Variants in BIN1 observed in about 807,000 individuals in gnomAD.
The protein encoded by BIN1 is bridging integrator 1, also known as myc box-dependent-interacting protein 1.
A neutral mutation model predicts 82.0 loss-of-function variants in BIN1; 53 were observed. The observed-to-expected ratio is 0.65, with a 90% confidence interval of 0.52 to 0.81. BIN1 has a LOEUF of 0.81. BIN1 is among the 40% of genes least tolerant of loss of function. BIN1 has a pLI of 0.00. For synonymous variants in BIN1, 302 were observed against 328.0 expected (o/e 0.92, Z 0.86); for missense variants, 642 against 784.4 (o/e 0.82, Z 2.17).
chr2:127,059,097 C>A lies in BIN1; in HGVS notation c.916G>T (p.Ala306Ser). 2 of 1,593,070 alleles carry A rather than the reference C, an allele frequency of 1.3e-6. No homozygotes were observed. Among genetic ancestry groups the A allele is most frequent in the Non-Finnish European group, 1.7e-6 (2 of 1,171,074 alleles). Residue 306 changes from alanine to serine, a missense_variant, in exon 11 of 19, where the codon GCC becomes TCC. Coordinates refer to ENST00000316724, the MANE Select transcript of BIN1 (RefSeq NM_139343.3). This position sits in a 1 kb window ranked among gnomAD's most constrained non-coding sequence, Gnocchi z 6.7. ...TGGTTGACTCTGATCTCGGGGGTGGCGGCAGGGGAGCCATCTGGAGGCGAA... is the reference window on the plus strand; with the variant it reads ...TGGTTGACTCTGATCTCGGGGGTGGAGGCAGGGGAGCCATCTGGAGGCGAA... ...SPSPPDGSPA[A>S]TPEIRVNHEP...
intron 1 of BIN1, among the ~76,000 whole-genome samples, chr2:127,087,027 T>C (rs1337211354): frequency 6.6e-6 from 1 of 152,210 alleles, no homozygotes; most frequent in Non-Finnish European, 1.5e-5. Flanking sequence ...ATCTCCTTCC[T>C]CTTTTTGGTG....
intron 1 of BIN1, among the ~76,000 whole-genome samples, chr2:127,101,907 A>T (rs1680399685): frequency 6.6e-6 from 1 of 152,104 alleles, no homozygotes; most frequent in Non-Finnish European, 1.5e-5. Flanking sequence ...GAGGCCTGTA[A>T]TGGACACTCT....
chr2:127,077,617 G>A (rs1200957629), intron 1 of BIN1, among the ~76,000 whole-genome samples: 1 of 152,216 alleles, frequency 6.6e-6, no homozygotes, highest in African/African-American at 2.4e-5. Context: ...CGGAGAGAGA[G>A]GTGGGAGCAG....
rs370896383 is a variant in BIN1, at chr2:127,064,054, C to A, written c.613-36G>T. 3 of 1,612,546 alleles carry A rather than the reference C, an allele frequency of 1.9e-6. No individual in the cohort carries two copies. The African/African-American group carries it at 4.0e-5, about 21-fold the overall frequency. Reference sequence around the variant, plus strand: ...GCACGGGTCATTCCCCTCTGTTGGGCGTCCCAGCCAGCCCAGCCCCATGGC... The same window carrying A: ...GCACGGGTCATTCCCCTCTGTTGGGAGTCCCAGCCAGCCCAGCCCCATGGC... On this transcript the variant is annotated intron_variant, in intron 7 of 18. Transcript: ENST00000316724.
rs535984137 is a variant in BIN1, at chr2:127,099,495, G to A, written c.84+7365C>T. Among the ~76,000 whole-genome samples, 9 of 152,158 alleles carry A rather than the reference G, an allele frequency of 5.9e-5. No homozygotes were observed. In the South Asian group the frequency reaches 1.2e-3, roughly 21 times the overall value. On this transcript the variant is annotated intron_variant, in intron 1 of 18. Transcript: ENST00000316724. Reference sequence around the variant, plus strand: ...GTAACAGAAACAAAATTAGAGGGACGTAAACTTTATTTTTATTTACTTATT... The same window carrying A: ...GTAACAGAAACAAAATTAGAGGGACATAAACTTTATTTTTATTTACTTATT...
intron 10 of BIN1, chr2:127,060,787 G>A (rs986411951): frequency 5.4e-6 from 6 of 1,104,614 alleles, no homozygotes; most frequent in Non-Finnish European, 8.0e-6. Context: ...CCTTGCACAG[G>A]GCCTGGGCGT....
At chr2:127,060,345 C>A (rs1385797641) in intron 10 of BIN1, among the ~76,000 whole-genome samples, 1 of 152,262 alleles carries the variant, frequency 6.6e-6, no homozygotes, top group Non-Finnish European at 1.5e-5. Flanking sequence ...GTGGCCCGGG[C>A]ACCACCAGGG....
rs372266615 is a variant in BIN1, at chr2:127,059,194, G to A, written c.858-39C>T. On this transcript the variant is annotated intron_variant, in intron 10 of 18. Coordinates refer to ENST00000316724, the MANE Select transcript of BIN1 (RefSeq NM_139343.3). The surrounding 1 kb of genome is among the most constrained non-coding windows in gnomAD (Gnocchi z 6.7). ...CAAGAAAGGGAGCCCAGTGTTGGGG[G>A]GCCAAGGCACAGGAGACGGAGGGGC... The A allele has an allele frequency of 6.3e-5, 98 of 1,554,220 alleles. No homozygotes were observed. Among genetic ancestry groups the A allele is most frequent in the Non-Finnish European group, 8.3e-5 (95 of 1,150,228 alleles).
chr2:127,098,669 G>A (rs1006713460), intron 1 of BIN1, among the ~76,000 whole-genome samples: 3 of 152,198 alleles, frequency 2.0e-5, no homozygotes, highest in African/African-American at 7.2e-5. Flanking sequence ...GAGGGAAGAG[G>A]CTTTGCAAAA....
At chr2:127,069,426 C>T (rs921692909) in intron 5 of BIN1, among the ~76,000 whole-genome samples, 2 of 152,184 alleles carry the variant, frequency 1.3e-5, no homozygotes, top group East Asian at 1.9e-4. Context: ...AAGGGGATCT[C>T]GTCCAACCCA....
intron 9 of BIN1, among the ~76,000 whole-genome samples, chr2:127,062,700 C>T (rs539470811): frequency 6.6e-6 from 1 of 152,324 alleles, no homozygotes; most frequent in Admixed American, 6.5e-5. Flanking sequence ...GCCGAATCTT[C>T]ATCCTATTTA....
In BIN1 at chr2:127,048,225, G is replaced by A. The variant is rs886054830; in HGVS notation, c.*301C>T. On this transcript the variant is annotated 3_prime_UTR_variant, in exon 19 of 19. Coordinates refer to ENST00000316724, the MANE Select transcript of BIN1 (RefSeq NM_139343.3). ...AAGCTTCAGGCAAGCATGGTGGCTC[G>A]GCAGCCCCCAGCCCCGCCCTGCGGC... 6.8e-5 allele frequency: 29 copies of A among 423,520 alleles called. No homozygotes were observed. The highest frequency in any genetic ancestry group is 1.0e-4 in the Non-Finnish European group (23 of 226,978). The allele number at this position is 423,520 out of a possible 1,614,324, so 26.2% of individuals were successfully genotyped here.
At chr2:127,095,977 C>T (rs988516662) in intron 1 of BIN1, among the ~76,000 whole-genome samples, 4 of 152,192 alleles carry the variant, frequency 2.6e-5, no homozygotes, top group African/African-American at 7.2e-5. Flanking sequence ...TCCCACTTCC[C>T]GGTCCCCAGG....
intron 1 of BIN1, among the ~76,000 whole-genome samples, chr2:127,086,144 T>C (rs1173552226): frequency 6.6e-6 from 1 of 152,118 alleles, no homozygotes; most frequent in Non-Finnish European, 1.5e-5. Context: ...TGACCGTTGG[T>C]CCTATTTTAC....
intron 1 of BIN1, among the ~76,000 whole-genome samples, chr2:127,105,970 A>G (rs72959054): frequency 0.09 from 13,693 of 152,282 alleles, 870 homozygotes; most frequent in African/African-American, 0.17. Context: ...GGGATAGACA[A>G]CTGACCGGGT....
chr2:127,072,982 A>G (rs1317851486), intron 2 of BIN1, among the ~76,000 whole-genome samples: 1 of 152,176 alleles, frequency 6.6e-6, no homozygotes, highest in Non-Finnish European at 1.5e-5. Flanking sequence ...TCTCCCTGCC[A>G]GGCCTCCACC....
rs1682446156 is a variant in BIN1, at chr2:127,048,446, AAAC to A, written c.*77_*79del. 1 of 1,408,608 alleles carries A rather than the reference AAAC, an allele frequency of 7.1e-7. No homozygotes were observed. Among genetic ancestry groups the A allele is most frequent in the South Asian group, 1.2e-5 (1 of 86,820 alleles). The allele number at this position is 1,408,608 out of a possible 1,614,324, so 87.3% of individuals were successfully genotyped here. The stretch of plus-strand genomic sequence containing the variant: ...TTGCTCTTCAAAAGATGAAAAACGA[AAAC>A]AAAACAAAAAAAAGAACCACACATT... On this transcript the variant is annotated 3_prime_UTR_variant, in exon 19 of 19. Coordinates refer to ENST00000316724, the MANE Select transcript of BIN1 (RefSeq NM_139343.3).
At chr2:127,056,939 C>G (rs997164561) in intron 12 of BIN1, among the ~76,000 whole-genome samples, 5 of 152,186 alleles carry the variant, frequency 3.3e-5, no homozygotes, top group Admixed American at 2.0e-4. Context: ...AAGGGCCCGT[C>G]GGGAGAGACC....
At position 127,059,104 on chromosome 2, in the gene BIN1, G is replaced by A; in HGVS notation, c.909C>T (p.Ser303=). The A allele has an allele frequency of 6.3e-7, 1 of 1,594,096 alleles. No individual in the cohort carries two copies. The highest frequency in any genetic ancestry group is 1.1e-5 in the South Asian group (1 of 87,390). The change falls in exon 11 of 19, where the codon TCC becomes TCT. Residue 303 remains serine, a synonymous_variant. Coordinates refer to ENST00000316724, the MANE Select transcript of BIN1 (RefSeq NM_139343.3). This position sits in a 1 kb window ranked among gnomAD's most constrained non-coding sequence, Gnocchi z 6.7. ...CTCTGATCTCGGGGGTGGCGGCAGG[G>A]GAGCCATCTGGAGGCGAAGGGCTCT... ...GNKSPSPPDG[S]PAATPEIRVN... is the part of the protein sequence containing the mutation.
Sources: allele counts gnomAD v4.1 joint callset (sites outside exome capture counted in the v4.1 genomes callset), GRCh38; gene constraint gnomAD v4.1.1; non-coding constraint Gnocchi (gnomAD v3.1); transcripts MANE v1.5; gene names NCBI Gene and HGNC (gene_info 2026-07-23, HGNC 2026-07-21).